Variants in PDE2A observed in about 807,000 individuals in gnomAD.
PDE2A encodes cGMP-dependent 3',5'-cyclic phosphodiesterase.
In PDE2A, 53 loss-of-function variants were observed where a neutral mutation model predicts 133.6. The ratio of observed to expected loss-of-function variants is 0.40; its 90% CI spans 0.32 to 0.50. PDE2A has a LOEUF of 0.50. PDE2A is among the 20% of genes least tolerant of loss of function. The pLI is 0.73. For missense variants in PDE2A, 796 were observed against 1,232.4 expected, an observed-to-expected ratio of 0.65 and a Z score of 5.30; for synonymous variants, 491 against 490.2, an observed-to-expected ratio of 1.00 and a Z score of -0.02.
In PDE2A at chr11:72,608,666, CG is replaced by C. The variant is rs1857074423; in HGVS notation, c.229del (p.Arg77GlufsTer74). On this transcript the variant is annotated frameshift_variant, in exon 3 of 31. Transcript: ENST00000334456. LOFTEE classifies it high-confidence loss of function. ...VKEALSAVLP[R>X]VETVYTYLLD... ...GGGGCAAGGGCGGGCACCTACCACT[CG>C]GGGGAGCACAGCTGACAGGGCCTCC... 1.3e-6 allele frequency: 2 copies of C among 1,543,948 alleles called. No individual in the cohort carries two copies. The highest frequency in any genetic ancestry group is 1.4e-5 in the African/African-American group (1 of 73,978).
chr11:72,639,258 G>A (rs1371949782), intron 2 of PDE2A, among the ~76,000 whole-genome samples: 1 of 152,176 alleles, frequency 6.6e-6, no homozygotes, highest in African/African-American at 2.4e-5. Context: ...GTGAGGATGG[G>A]GACTCTTTCT....
At chr11:72,592,723 C>T (rs1412633408) in intron 6 of PDE2A, among the ~76,000 whole-genome samples, 1 of 152,012 alleles carries the variant, frequency 6.6e-6, no homozygotes, top group African/African-American at 2.4e-5. Context: ...GGAGCCATGG[C>T]AGACTTTAGC....
intron 2 of PDE2A, among the ~76,000 whole-genome samples, chr11:72,628,332 TC>T (rs1858189364): frequency 1.4e-5 from 2 of 144,674 alleles, no homozygotes; most frequent in South Asian, 2.1e-4. Flanking sequence ...TGATAGAGGT[TC>T]TTTTTTTTTT....
intron 2 of PDE2A, among the ~76,000 whole-genome samples, chr11:72,641,997 G>C (rs577376088): frequency 6.6e-6 from 1 of 152,230 alleles, no homozygotes. Flanking sequence ...TGTGCACTGC[G>C]GTCCCACCGT....
chr11:72,661,371 A>C (rs1244113889), intron 1 of PDE2A, among the ~76,000 whole-genome samples: 1 of 152,140 alleles, frequency 6.6e-6, no homozygotes, highest in East Asian at 1.9e-4. Context: ...CCTCACAGCT[A>C]TTCCTAACTC....
intron 1 of PDE2A, among the ~76,000 whole-genome samples, chr11:72,660,181 A>G (rs1317887389): frequency 6.6e-6 from 1 of 152,254 alleles, no homozygotes; most frequent in Non-Finnish European, 1.5e-5. Context: ...AAAACTCATT[A>G]TACACTTTAA....
At chr11:72,648,359 G>A (rs553775976) in intron 1 of PDE2A, among the ~76,000 whole-genome samples, 3 of 152,324 alleles carry the variant, frequency 2.0e-5, no homozygotes, top group South Asian at 2.1e-4. Flanking sequence ...GGCTCCAGAT[G>A]TGGGGGTAGC....
chr11:72,654,437 C>T lies in PDE2A; in HGVS notation c.72-12111G>A, dbSNP rs1854835212. 2.0e-5 allele frequency among the ~76,000 whole-genome samples: 3 copies of T among 152,270 alleles called. No homozygotes were observed. In the South Asian group the frequency reaches 6.2e-4, roughly 32 times the overall value. ...TTGAGGCCAGTGCAGGTGGGAGAGC[C>T]TGGGGGAGGCTCCTCCGCCGGGGAA... On this transcript the variant is annotated intron_variant, in intron 1 of 30. Transcript: ENST00000334456.
At chr11:72,673,420 T>G (rs341059) in intron 1 of PDE2A, among the ~76,000 whole-genome samples, 3 of 149,962 alleles carry the variant, frequency 2.0e-5, no homozygotes, top group Admixed American at 2.0e-4. Flanking sequence ...CACACACACA[T>G]ACCCTGCCTA....
chr11:72,598,111 C>T (rs768349369), intron 4 of PDE2A, among the ~76,000 whole-genome samples: 1 of 152,172 alleles, frequency 6.6e-6, no homozygotes, highest in Non-Finnish European at 1.5e-5. Flanking sequence ...TCCTATGTCC[C>T]GTGCACAGCC....
intron 4 of PDE2A, among the ~76,000 whole-genome samples, chr11:72,603,871 G>A (rs562760910): frequency 7.9e-5 from 12 of 152,318 alleles, no homozygotes; most frequent in Admixed American, 7.8e-4. Context: ...ACGGGAAAGG[G>A]CTGAGGAGAG....
intron 3 of PDE2A, among the ~76,000 whole-genome samples, chr11:72,606,135 CAGA>C (rs1287254690): frequency 2.0e-5 from 3 of 151,960 alleles, no homozygotes. Context: ...CATGTCTTGG[CAGA>C]AGTAGTTGCC....
intron 1 of PDE2A, among the ~76,000 whole-genome samples, chr11:72,648,860 C>T (rs1166981513): frequency 6.6e-6 from 1 of 152,126 alleles, no homozygotes; most frequent in Non-Finnish European, 1.5e-5. Flanking sequence ...CCTATCACGC[C>T]TACACCCCAG....
At chr11:72,665,902 A>C (rs1056858875) in intron 1 of PDE2A, among the ~76,000 whole-genome samples, 5 of 122,688 alleles carry the variant, frequency 4.1e-5, no homozygotes, top group African/African-American at 1.1e-4. Flanking sequence ...AAAACCTAAA[A>C]AACAACAACA....
intron 2 of PDE2A, among the ~76,000 whole-genome samples, chr11:72,624,314 G>T (rs1472331032): frequency 6.6e-6 from 1 of 152,160 alleles, no homozygotes; most frequent in Non-Finnish European, 1.5e-5. Flanking sequence ...CCTTTGGACG[G>T]TGTTACTTTC....
intron 4 of PDE2A, among the ~76,000 whole-genome samples, chr11:72,602,696 T>C (rs1389172975): frequency 6.6e-6 from 1 of 152,210 alleles, no homozygotes; most frequent in Non-Finnish European, 1.5e-5. Context: ...ACTGAGCTCC[T>C]ACTGTGTGCT....
chr11:72,654,802 C>T (rs1001437012), intron 1 of PDE2A, among the ~76,000 whole-genome samples: 5 of 152,210 alleles, frequency 3.3e-5, no homozygotes, highest in Admixed American at 6.5e-5. Context: ...CATTTCTTAA[C>T]TCATCGTTTT....
At chr11:72,644,955 C>T (rs533512678) in intron 1 of PDE2A, among the ~76,000 whole-genome samples, 1 of 152,228 alleles carries the variant, frequency 6.6e-6, no homozygotes, top group South Asian at 2.1e-4. Context: ...TGGGATTTCG[C>T]CATGTTGGCC....
At chr11:72,582,405 C>G (rs769235769) in intron 21 of PDE2A, 39 bp downstream of exon 21, 34 of 1,602,230 alleles carry the variant, frequency 2.1e-5, no homozygotes, top group Non-Finnish European at 2.7e-5. Flanking sequence ...TGGCTACATA[C>G]CTTCGGCCTG....
Sources: allele counts gnomAD v4.1 joint callset (sites outside exome capture counted in the v4.1 genomes callset), GRCh38; gene constraint gnomAD v4.1.1; transcripts MANE v1.5; gene names NCBI Gene and HGNC (gene_info 2026-07-23, HGNC 2026-07-21).